TMEM132C: variants seen among roughly 807,000 people sequenced by gnomAD.
The protein encoded by TMEM132C is protein phosphatase 1, regulatory subunit 152.
TMEM132C carries 29 observed loss-of-function variants against 61.4 expected under a neutral mutation model. The ratio of observed to expected loss-of-function variants is 0.47; its 90% CI spans 0.35 to 0.64. The LOEUF is 0.64. TMEM132C is among the 30% of genes least tolerant of loss of function. TMEM132C has a pLI of 0.00. For missense variants in TMEM132C, 1,408 were observed against 1,476.9 expected (o/e 0.95, Z 0.76); for synonymous variants, 656 against 633.1 (o/e 1.04, Z -0.54).
intron 5 of TMEM132C, 112 bp from the exon 6 acceptor site, chr12:128,693,717 G>A (rs542804317): frequency 1.6e-6 from 2 of 1,250,564 alleles, no homozygotes; most frequent in African/African-American, 1.5e-5. Flanking sequence ...TGCTTTAGGA[G>A]AAACCAGAAA....
rs571180097 is a variant in TMEM132C, at chr12:128,646,645, T to A, written c.1306-22772T>A. On this transcript the variant is annotated intron_variant, in intron 4 of 8. Coordinates refer to ENST00000435159, the MANE Select transcript of TMEM132C (RefSeq NM_001136103.3). ...AGCGCTGGATGTGAGTGTGTTTAGC[T>A]CAGTCCATCAGCGTTGGATGAGTGT... Among the ~76,000 whole-genome samples, 3 of 144,876 alleles carry A rather than the reference T, an allele frequency of 2.1e-5. No individual in the cohort carries two copies. In the Admixed American group the frequency reaches 2.1e-4, roughly 10 times the overall value.
At chr12:128,331,129 C>A (rs1430603344) in intron 1 of TMEM132C, among the ~76,000 whole-genome samples, 1 of 150,716 alleles carries the variant, frequency 6.6e-6, no homozygotes, top group East Asian at 2.0e-4. Flanking sequence ...TTGGCCCCTT[C>A]CTCTGCTCCC....
rs1489277578 is a variant in TMEM132C, at chr12:128,278,083, T to G, written c.85+10596T>G. ...GGACTGTGGGATCCCTGGGCTGAGT[T>G]GCTAAAGCCTGCCAGTTTCTCATGC... On this transcript the variant is annotated intron_variant, in intron 1 of 8. Transcript: ENST00000435159. This position sits in a 1 kb window ranked among gnomAD's most constrained non-coding sequence, Gnocchi z 4.2. Among the ~76,000 whole-genome samples the G allele has an allele frequency of 6.6e-6, 1 of 152,108 alleles. No individual in the cohort carries two copies. The highest frequency in any genetic ancestry group is 1.5e-5 in the Non-Finnish European group (1 of 68,028).
intron 2 of TMEM132C, among the ~76,000 whole-genome samples, chr12:128,447,307 C>A (rs1593056647): frequency 6.6e-6 from 1 of 152,280 alleles, no homozygotes; most frequent in African/African-American, 2.4e-5. Context: ...GCTCTTTCCA[C>A]CTCCGGTCCC....
intron 3 of TMEM132C, among the ~76,000 whole-genome samples, chr12:128,609,857 C>T (rs1876570350): frequency 6.6e-6 from 1 of 152,214 alleles, no homozygotes; most frequent in Non-Finnish European, 1.5e-5. Context: ...GTTTTGACAG[C>T]ACTGTCCTCT....
chr12:128,441,183 A>C (rs1392630608), intron 2 of TMEM132C, among the ~76,000 whole-genome samples: 1 of 152,248 alleles, frequency 6.6e-6, no homozygotes, highest in Non-Finnish European at 1.5e-5. Context: ...GAGGTCTGGC[A>C]GGTCAGCAGT....
Position 128,293,489 on chromosome 12 carries a change from C to T in TMEM132C, c.85+26002C>T, listed in dbSNP as rs78415034. Among the ~76,000 whole-genome samples the T allele has an allele frequency of 4.1e-3, 630 of 152,280 alleles. 3 individuals carry two copies. The highest frequency in any genetic ancestry group is 0.015 in the African/African-American group (608 of 41,546). Reference sequence around the variant, plus strand: ...ACCTCCTTACAGAATTTCAAAGAACCTCGGGGCACTTGAGAATTGGTGTCC... The same window carrying T: ...ACCTCCTTACAGAATTTCAAAGAACTTCGGGGCACTTGAGAATTGGTGTCC... On this transcript the variant is annotated intron_variant, in intron 1 of 8. Transcript: ENST00000435159.
At chr12:128,505,687 T>G (rs1160905741) in intron 2 of TMEM132C, among the ~76,000 whole-genome samples, 2 of 152,264 alleles carry the variant, frequency 1.3e-5, no homozygotes, top group East Asian at 3.8e-4. Context: ...TGTGCTTGAC[T>G]ACTCCTCTGC....
At chr12:128,477,675 G>A (rs886912291) in intron 2 of TMEM132C, among the ~76,000 whole-genome samples, 2 of 152,144 alleles carry the variant, frequency 1.3e-5, no homozygotes, top group African/African-American at 4.8e-5. Context: ...CGCCTCTCAG[G>A]TTCAAGCAAT....
chr12:128,533,234 C>T (rs755178328), intron 2 of TMEM132C, among the ~76,000 whole-genome samples: 2 of 152,188 alleles, frequency 1.3e-5, no homozygotes, highest in Non-Finnish European at 2.9e-5. Flanking sequence ...TGGGACCCTA[C>T]AGCTGCTGGT....
chr12:128,396,140 C>G (rs771462125), intron 1 of TMEM132C, among the ~76,000 whole-genome samples: 3 of 152,032 alleles, frequency 2.0e-5, no homozygotes, highest in Non-Finnish European at 2.9e-5. Flanking sequence ...GGGGAAAAAA[C>G]TACAAAGAAA....
chr12:128,591,947 G>A (rs562673001), intron 3 of TMEM132C, among the ~76,000 whole-genome samples: 13 of 151,478 alleles, frequency 8.6e-5, no homozygotes, highest in Non-Finnish European at 1.6e-4. Context: ...AGCTACTCAG[G>A]AGGCTGAGGC....
intron 1 of TMEM132C, among the ~76,000 whole-genome samples, chr12:128,328,026 G>A (rs748861355): frequency 2.6e-5 from 4 of 152,144 alleles, no homozygotes; most frequent in African/African-American, 9.6e-5. Flanking sequence ...CCCACTTCCC[G>A]TTATGGTCAG....
At chr12:128,551,525 G>A (rs1424154432) in intron 3 of TMEM132C, among the ~76,000 whole-genome samples, 1 of 152,134 alleles carries the variant, frequency 6.6e-6, no homozygotes, top group Non-Finnish European at 1.5e-5. Flanking sequence ...TTACCAGAGT[G>A]CACGTCGTAT....
intron 2 of TMEM132C, among the ~76,000 whole-genome samples, chr12:128,538,651 C>A (rs1157022070): frequency 6.6e-6 from 1 of 152,202 alleles, no homozygotes; most frequent in Non-Finnish European, 1.5e-5. Context: ...CTGCTTCTCT[C>A]CACGCACAGA....
chr12:128,663,247 C>G (rs993902499), intron 4 of TMEM132C, among the ~76,000 whole-genome samples: 2 of 152,238 alleles, frequency 1.3e-5, no homozygotes, highest in African/African-American at 4.8e-5. Flanking sequence ...AGTCACTTCC[C>G]TTCCCCATCC....
intron 3 of TMEM132C, among the ~76,000 whole-genome samples, chr12:128,600,815 A>C (rs1166573716): frequency 1.3e-5 from 2 of 152,156 alleles, no homozygotes; most frequent in Non-Finnish European, 2.9e-5. Context: ...TGAATGCTTG[A>C]TGGATGGACA....
intron 4 of TMEM132C, among the ~76,000 whole-genome samples, chr12:128,666,217 CCA>C (rs963186332): frequency 3.9e-5 from 4 of 103,086 alleles, no homozygotes; most frequent in African/African-American, 7.8e-5. Flanking sequence ...AAACAGGCAC[CCA>C]CACACACAGG....
chr12:128,666,098 CAT>C, intron 4 of TMEM132C, among the ~76,000 whole-genome samples: 1 of 145,234 alleles, frequency 6.9e-6, no homozygotes, highest in African/African-American at 2.6e-5. Flanking sequence ...CACAGGCACA[CAT>C]ACCCATAAAC....
Sources: allele counts gnomAD v4.1 joint callset (sites outside exome capture counted in the v4.1 genomes callset), GRCh38; gene constraint gnomAD v4.1.1; non-coding constraint Gnocchi (gnomAD v3.1); transcripts MANE v1.5; gene names NCBI Gene and HGNC (gene_info 2026-07-23, HGNC 2026-07-21).